PLEKHM3: variants seen among roughly 807,000 people sequenced by gnomAD.
The protein encoded by PLEKHM3 is pleckstrin homology domain containing M3.
A neutral mutation model predicts 81.8 loss-of-function variants in PLEKHM3; 45 were observed. The observed-to-expected ratio is 0.55, with a 90% CI of 0.43 to 0.71. The LOEUF is 0.71. PLEKHM3 is among the 30% of genes least tolerant of loss of function. The pLI, the probability that PLEKHM3 is intolerant of heterozygous loss-of-function variation, is 0.00. For synonymous variants in PLEKHM3, 352 were observed against 356.4 expected (o/e 0.99, Z 0.14); for missense variants, 788 against 924.3 (o/e 0.85, Z 1.91).
intron 3 of PLEKHM3, among the ~76,000 whole-genome samples, chr2:207,975,424 C>A (rs1157897855): frequency 6.6e-6 from 1 of 151,982 alleles, no homozygotes; most frequent in Non-Finnish European, 1.5e-5. Context: ...ACATGTTAAA[C>A]CTAATAGACT....
At chr2:207,888,291 G>C (rs1389341051) in intron 6 of PLEKHM3, among the ~76,000 whole-genome samples, 1 of 151,998 alleles carries the variant, frequency 6.6e-6, no homozygotes, top group Non-Finnish European at 1.5e-5. Flanking sequence ...CTATTGAATT[G>C]TGCATCAAAC....
chr2:207,976,622 G>T lies in PLEKHM3; in HGVS notation c.1546+29C>A, dbSNP rs1352385044. ...GTGGGGTTCAGGATTGTTCTTTAAT[G>T]AGCTATAGGCTGAAAATCTGCTTCA... On this transcript the variant is annotated intron_variant, in intron 3 of 7. Coordinates refer to ENST00000427836, the MANE Select transcript of PLEKHM3 (RefSeq NM_001080475.3). This position sits in a 1 kb window ranked among gnomAD's most constrained non-coding sequence, Gnocchi z 4.1. The T allele has an allele frequency of 1.3e-6, 2 of 1,583,312 alleles. No individual in the cohort carries two copies. Among genetic ancestry groups the T allele is most frequent in the Non-Finnish European group, 1.7e-6 (2 of 1,163,178 alleles).
chr2:207,940,219 TATG>T (rs1294350272), intron 4 of PLEKHM3, among the ~76,000 whole-genome samples: 4 of 152,244 alleles, frequency 2.6e-5, no homozygotes, highest in Non-Finnish European at 4.4e-5. Context: ...ATATAGATGT[TATG>T]ATAATGAAAA....
At chr2:207,917,318 C>T (rs1689024827) in intron 5 of PLEKHM3, among the ~76,000 whole-genome samples, 1 of 152,210 alleles carries the variant, frequency 6.6e-6, no homozygotes, top group Non-Finnish European at 1.5e-5. Flanking sequence ...GAGTTGTTTT[C>T]ACTTAGTGAG....
intron 2 of PLEKHM3, among the ~76,000 whole-genome samples, chr2:207,977,875 C>G (rs1691374143): frequency 6.6e-6 from 1 of 152,022 alleles, no homozygotes; most frequent in Non-Finnish European, 1.5e-5. Flanking sequence ...TTGCTTGAGC[C>G]CAGGAGTTCA....
chr2:207,979,863 G>T (rs547869758), intron 2 of PLEKHM3, among the ~76,000 whole-genome samples: 1 of 152,308 alleles, frequency 6.6e-6, no homozygotes, highest in Non-Finnish European at 1.5e-5. Context: ...TACATCTCTG[G>T]TCCTGACATT....
At chr2:207,955,004 A>T (rs1690456229) in intron 3 of PLEKHM3, among the ~76,000 whole-genome samples, 1 of 152,224 alleles carries the variant, frequency 6.6e-6, no homozygotes, top group Non-Finnish European at 1.5e-5. Context: ...ATTTAGTCAA[A>T]ATTTATCTTG....
intron 1 of PLEKHM3, among the ~76,000 whole-genome samples, chr2:208,004,597 C>T (rs184535990): frequency 3.4e-4 from 52 of 152,228 alleles, no homozygotes; most frequent in Non-Finnish European, 5.9e-4. Flanking sequence ...AGAGGCCCCA[C>T]GAGCACTTTC....
chr2:207,866,429 T>C (rs1416812712), intron 6 of PLEKHM3, among the ~76,000 whole-genome samples: 1 of 152,220 alleles, frequency 6.6e-6, no homozygotes, highest in African/African-American at 2.4e-5. Context: ...AGTGCTGAGA[T>C]GATAGGTGTG....
chr2:207,998,013 C>T (rs899468386), intron 2 of PLEKHM3, among the ~76,000 whole-genome samples: 24 of 152,302 alleles, frequency 1.6e-4, no homozygotes, highest in African/African-American at 4.8e-4. Flanking sequence ...ATGAGAATAC[C>T]GGCCTCAGAA....
At chr2:207,893,583 A>G (rs1369033047) in intron 6 of PLEKHM3, among the ~76,000 whole-genome samples, 2 of 152,202 alleles carry the variant, frequency 1.3e-5, no homozygotes, top group Non-Finnish European at 2.9e-5. Context: ...CATCTTTGAC[A>G]AGTGTATATG....
At chr2:207,896,070 A>T (rs1185001213) in intron 6 of PLEKHM3, among the ~76,000 whole-genome samples, 1 of 152,172 alleles carries the variant, frequency 6.6e-6, no homozygotes, top group Non-Finnish European at 1.5e-5. Flanking sequence ...CTTCGTGCAA[A>T]CTGGCTGGGA....
At chr2:207,883,836 G>C (rs75337996) in intron 6 of PLEKHM3, among the ~76,000 whole-genome samples, 1 of 152,008 alleles carries the variant, frequency 6.6e-6, no homozygotes, top group African/African-American at 2.4e-5. Context: ...CATATAAAAA[G>C]AATTATACAC....
At chr2:207,851,628 T>C in intron 7 of PLEKHM3, 1 of 147,466 alleles carries the variant, frequency 6.8e-6, no homozygotes. Flanking sequence ...TAATCCCAGA[T>C]ACACCGGAGG....
chr2:208,009,886 G>A (rs997720146), intron 1 of PLEKHM3, among the ~76,000 whole-genome samples: 1 of 152,116 alleles, frequency 6.6e-6, no homozygotes, highest in South Asian at 2.1e-4. Context: ...CATACTTTCC[G>A]AAACGTTATG....
chr2:207,919,380 C>T (rs1689108365), intron 5 of PLEKHM3, among the ~76,000 whole-genome samples: 1 of 152,026 alleles, frequency 6.6e-6, no homozygotes, highest in South Asian at 2.1e-4. Flanking sequence ...GTGAAACTAT[C>T]CGTTTGGGCC....
At chr2:207,858,180 A>ATTTTTT (rs58031514) in intron 7 of PLEKHM3, among the ~76,000 whole-genome samples, 4,037 of 103,766 alleles carry the variant, frequency 0.039, 238 homozygotes, top group African/African-American at 0.1. Flanking sequence ...GTGTGTATAT[A>ATTTTTT]TTTTTTTTTT....
rs190751214 is a variant in PLEKHM3 at position 207,901,664 on chromosome 2, A to G, written c.1950+6850T>C. ...CTGCTGCCTGTCTATCAAAACTTCA[A>G]AGGATAACACTCAATCCCTTCCTCC... On this transcript the variant is annotated intron_variant, in intron 6 of 7. Coordinates refer to ENST00000427836, the MANE Select transcript of PLEKHM3 (RefSeq NM_001080475.3). Among the ~76,000 whole-genome samples the G allele has an allele frequency of 1.1e-3, 170 of 152,302 alleles. 1 individual carries two copies. Among genetic ancestry groups the G allele is most frequent in the African/African-American group, 3.7e-3 (153 of 41,562 alleles).
intron 6 of PLEKHM3, among the ~76,000 whole-genome samples, chr2:207,875,240 CAT>C (rs1184227043): frequency 6.6e-6 from 1 of 152,002 alleles, no homozygotes; most frequent in African/African-American, 2.4e-5. Context: ...AACTTAAACA[CAT>C]GTTAATAAAA....
Sources: gnomAD v4.1 joint callset for allele counts (sites outside exome capture counted in the v4.1 genomes callset) on GRCh38, gnomAD v4.1.1 for gene constraint, Gnocchi (gnomAD v3.1) non-coding constraint, MANE v1.5 for transcripts, NCBI Gene and HGNC (gene_info 2026-07-23, HGNC 2026-07-21) for gene names.